TENM4: variants seen among roughly 807,000 people sequenced by gnomAD.
The protein encoded by TENM4 is teneurin-4.
In TENM4, 82 loss-of-function variants were observed where a neutral mutation model predicts 243.3. The ratio of observed to expected loss-of-function variants is 0.34; its 90% CI spans 0.28 to 0.40. The LOEUF (loss-of-function observed/expected upper bound fraction) is 0.40, where lower values mean the gene tolerates loss of function less well. TENM4 is among the 10% of genes least tolerant of loss of function. The pLI, the probability that TENM4 is intolerant of heterozygous loss-of-function variation, is 1.00. For synonymous variants in TENM4, 1,412 were observed against 1,456.3 expected (o/e 0.97, Z 0.69); for missense variants, 3,138 against 3,673.3 (o/e 0.85, Z 3.77).
intron 6 of TENM4, among the ~76,000 whole-genome samples, chr11:79,063,680 C>G (rs971308656): frequency 6.6e-6 from 1 of 152,192 alleles, no homozygotes; most frequent in Non-Finnish European, 1.5e-5. Flanking sequence ...CGCAGGACCA[C>G]GTTCGACTCA....
Position 79,227,161 on chromosome 11 carries a change from G to A in TENM4, c.-264-11252C>T, listed in dbSNP as rs74917002. Among the ~76,000 whole-genome samples the A allele has an allele frequency of 9.2e-5, 14 of 152,254 alleles. No homozygotes were observed. In the South Asian group the frequency reaches 2.1e-3, roughly 23 times the overall value. Reference sequence around the variant, plus strand: ...CCCTGGCAGTGGCCACATAACCCCCGTGGCTTCAGGTCCTGACAGTCACCC... The same window carrying A: ...CCCTGGCAGTGGCCACATAACCCCCATGGCTTCAGGTCCTGACAGTCACCC... On this transcript the variant is annotated intron_variant, in intron 2 of 33. Transcript: ENST00000278550.
At chr11:79,020,328 T>G (rs994042268) in intron 6 of TENM4, among the ~76,000 whole-genome samples, 1 of 152,208 alleles carries the variant, frequency 6.6e-6, no homozygotes, top group Non-Finnish European at 1.5e-5. Context: ...TTCCAAATGT[T>G]GAGCTCATGT....
intron 3 of TENM4, among the ~76,000 whole-genome samples, chr11:79,178,700 T>C (rs1296428996): frequency 6.6e-6 from 1 of 151,682 alleles, no homozygotes; most frequent in African/African-American, 2.4e-5. Context: ...TTGACTGGAG[T>C]TCCTCAAGGG....
At chr11:79,246,260 T>C (rs576574) in intron 2 of TENM4, among the ~76,000 whole-genome samples, 1 of 152,196 alleles carries the variant, frequency 6.6e-6, no homozygotes, top group East Asian at 1.9e-4. Context: ...ATATGACTTA[T>C]TTCTCAGATT....
chr11:79,252,659 T>C (rs1012006797), intron 2 of TENM4, among the ~76,000 whole-genome samples: 3 of 152,210 alleles, frequency 2.0e-5, no homozygotes, highest in Non-Finnish European at 4.4e-5. Flanking sequence ...CTCGTGCCCT[T>C]TGCCCTGGAC....
intron 4 of TENM4, among the ~76,000 whole-genome samples, chr11:79,139,589 C>A (rs191802573): frequency 0.98 from 14,994 of 15,312 alleles, 7,398 homozygotes; most frequent in Middle Eastern, 1. Context: ...TATTATATTT[C>A]TAGAAATATA....
intron 8 of TENM4, 86 bp from the exon 9 acceptor site, chr11:78,890,106 G>C (rs903306833): frequency 3.4e-5 from 37 of 1,084,548 alleles, no homozygotes; most frequent in Non-Finnish European, 4.7e-5. Context: ...GGCGGCAGTA[G>C]AAGAAGCATG....
At chr11:79,094,125 T>C (rs1861023548) in intron 4 of TENM4, among the ~76,000 whole-genome samples, 1 of 152,156 alleles carries the variant, frequency 6.6e-6, no homozygotes, top group South Asian at 2.1e-4. Context: ...AAGCTTGAGA[T>C]AATCAGAAAA....
intron 2 of TENM4, among the ~76,000 whole-genome samples, chr11:79,229,597 A>C (rs1864337096): frequency 6.6e-6 from 1 of 152,136 alleles, no homozygotes; most frequent in African/African-American, 2.4e-5. Context: ...CCAACACTGC[A>C]CATTCCTGTC....
At chr11:79,357,387 C>G (rs1857515197) in intron 1 of TENM4, among the ~76,000 whole-genome samples, 1 of 152,216 alleles carries the variant, frequency 6.6e-6, no homozygotes, top group Non-Finnish European at 1.5e-5. Context: ...GCTGTGAGAG[C>G]ATTCTGTTTG....
At chr11:79,072,090 T>C (rs1009538914) in intron 4 of TENM4, among the ~76,000 whole-genome samples, 13 of 152,154 alleles carry the variant, frequency 8.5e-5, no homozygotes, top group Admixed American at 7.2e-4. Flanking sequence ...AAGATGATAG[T>C]CCTCTGAGTG....
chr11:79,036,738 G>A (rs748625099), intron 6 of TENM4, among the ~76,000 whole-genome samples: 7 of 152,114 alleles, frequency 4.6e-5, no homozygotes, highest in Non-Finnish European at 1.0e-4. Context: ...TCGGCCAGGC[G>A]CAGTGGCTCA....
At chr11:78,828,331 T>G (rs577218605) in intron 12 of TENM4, among the ~76,000 whole-genome samples, 8 of 152,178 alleles carry the variant, frequency 5.3e-5, no homozygotes, top group South Asian at 2.1e-4. Flanking sequence ...ACCATGTATT[T>G]GGGGGGCATG....
intron 1 of TENM4, among the ~76,000 whole-genome samples, chr11:79,413,739 G>A (rs776279057): frequency 1.3e-4 from 20 of 152,152 alleles, no homozygotes; most frequent in Admixed American, 3.3e-4. Context: ...TGGATTAGAA[G>A]TTAGATGATA....
At chr11:79,353,688 A>G (rs1204530085) in intron 1 of TENM4, among the ~76,000 whole-genome samples, 1 of 152,074 alleles carries the variant, frequency 6.6e-6, no homozygotes, top group Non-Finnish European at 1.5e-5. Flanking sequence ...ACTGCCAAGA[A>G]AGGCTACAAA....
intron 3 of TENM4, among the ~76,000 whole-genome samples, chr11:79,208,734 G>A (rs774482164): frequency 6.6e-5 from 10 of 152,196 alleles, no homozygotes; most frequent in Non-Finnish European, 1.3e-4. Flanking sequence ...TGCCTAGCAC[G>A]GTGGCTGACA....
chr11:79,110,254 A>G (rs2137102345), intron 4 of TENM4, among the ~76,000 whole-genome samples: 1 of 152,278 alleles, frequency 6.6e-6, no homozygotes, highest in East Asian at 1.9e-4. Context: ...ATCCATTGCC[A>G]TAAGCCTACT....
At chr11:78,941,302 C>A (rs2136456435) in intron 6 of TENM4, among the ~76,000 whole-genome samples, 1 of 152,246 alleles carries the variant, frequency 6.6e-6, no homozygotes. Context: ...CACTTAGCAC[C>A]TTACGTGCTT....
chr11:79,244,784 G>A (rs947186697), intron 2 of TENM4, among the ~76,000 whole-genome samples: 1 of 152,144 alleles, frequency 6.6e-6, no homozygotes, highest in African/African-American at 2.4e-5. Context: ...GTAGAGGTGG[G>A]AGAAAGGGAA....
Sources: gnomAD v4.1 joint callset for allele counts (sites outside exome capture counted in the v4.1 genomes callset) on GRCh38, gnomAD v4.1.1 for gene constraint, MANE v1.5 for transcripts, NCBI Gene and HGNC (gene_info 2026-07-23, HGNC 2026-07-21) for gene names.